Variants in LAMA2 observed in about 807,000 individuals in gnomAD.
The protein encoded by LAMA2 is laminin subunit alpha-2.
LAMA2 carries 269 observed loss-of-function variants against 364.8 expected under a neutral mutation model. The ratio of observed to expected loss-of-function variants is 0.74; its 90% CI spans 0.67 to 0.82. The LOEUF is 0.82. LAMA2 is among the 40% of genes least tolerant of loss of function. The probability of loss-of-function intolerance (pLI) is 0.00; values close to 1 mark genes in which losing one functional copy is unlikely to be tolerated. For synonymous variants in LAMA2, 1,379 were observed against 1,370.6 expected (o/e 1.01, Z -0.14); for missense variants, 3,807 against 3,873.2 (o/e 0.98, Z 0.45).
chr6:129,023,872 C>T (rs943768563), intron 1 of LAMA2, among the ~76,000 whole-genome samples: 10 of 152,112 alleles, frequency 6.6e-5, no homozygotes, highest in African/African-American at 2.4e-4. Context: ...TTTGTTAGCT[C>T]ATTAGGTACC....
Position 129,516,458 on chromosome 6 carries a change from A to T in LAMA2, c.*111A>T. On this transcript the variant is annotated 3_prime_UTR_variant, in exon 65 of 65. Coordinates refer to ENST00000421865, the MANE Select transcript of LAMA2 (RefSeq NM_000426.4). ...ATTAAACTAATTTGTGCATGTACAT[A>T]GAATTCTTTCTGTATTCAGATGGTG... The T allele has an allele frequency of 8.9e-7, 1 of 1,124,724 alleles. No individual in the cohort carries two copies. The highest frequency in any genetic ancestry group is 1.3e-6 in the Non-Finnish European group (1 of 761,432). The allele number at this position is 1,124,724 out of a possible 1,614,324, so 69.7% of individuals were successfully genotyped here. A position where few individuals can be genotyped will look rare whatever the true frequency, so the allele number is the denominator to read the frequency against.
chr6:129,482,911 C>CA (rs887030096), intron 55 of LAMA2, among the ~76,000 whole-genome samples: 3 of 151,440 alleles, frequency 2.0e-5, no homozygotes, highest in African/African-American at 7.3e-5. Context: ...ACTAAAAATA[C>CA]AAAAAATTAG....
chr6:129,260,902 G>C, intron 15 of LAMA2, 80 bp downstream of exon 15: 2 of 846,596 alleles, frequency 2.4e-6, no homozygotes, highest in East Asian at 4.9e-5. Context: ...AATAAGAGCT[G>C]TTTTTTTTCT....
chr6:129,275,854 C>A (rs891636640), intron 17 of LAMA2, among the ~76,000 whole-genome samples: 2 of 151,676 alleles, frequency 1.3e-5, no homozygotes, highest in Non-Finnish European at 2.9e-5. Context: ...TTCCATTTTG[C>A]AGAATGGGAA....
intron 49 of LAMA2, among the ~76,000 whole-genome samples, chr6:129,462,895 A>G (rs935502797): frequency 2.0e-5 from 3 of 152,046 alleles, no homozygotes; most frequent in East Asian, 1.9e-4. Context: ...AGAAAATGTC[A>G]TAAAGACCTT....
intron 11 of LAMA2, among the ~76,000 whole-genome samples, chr6:129,190,725 T>C (rs1781474838): frequency 6.6e-6 from 1 of 152,148 alleles, no homozygotes; most frequent in African/African-American, 2.4e-5. Flanking sequence ...AAAAACTCTG[T>C]ATCATCTGTA....
At chr6:129,448,333 GA>G (rs1782497414) in intron 45 of LAMA2, among the ~76,000 whole-genome samples, 1 of 152,074 alleles carries the variant, frequency 6.6e-6, no homozygotes, top group South Asian at 2.1e-4. Context: ...GTAACGTTAA[GA>G]AAAAGTAATC....
chr6:129,411,906 AC>A (rs1470732225), intron 40 of LAMA2, among the ~76,000 whole-genome samples: 1 of 152,210 alleles, frequency 6.6e-6, no homozygotes, highest in East Asian at 1.9e-4. Flanking sequence ...GGAATTAAAA[AC>A]AAAGTGGAAC....
intron 52 of LAMA2, 94 bp downstream of exon 52, chr6:129,473,446 T>C: frequency 1.6e-6 from 2 of 1,229,024 alleles, no homozygotes; most frequent in East Asian, 4.7e-5. Context: ...AATAAGAATG[T>C]CATATAACCC....
At chr6:129,506,404 G>C (rs1264042395) in intron 61 of LAMA2, among the ~76,000 whole-genome samples, 1 of 151,958 alleles carries the variant, frequency 6.6e-6, no homozygotes, top group African/African-American at 2.4e-5. Context: ...GATTGGAAGA[G>C]TAGCAGGCAT....
intron 8 of LAMA2, among the ~76,000 whole-genome samples, chr6:129,163,590 A>C (rs775546634): frequency 6.6e-6 from 1 of 152,190 alleles, no homozygotes; most frequent in African/African-American, 2.4e-5. Flanking sequence ...TCAAGCTTGC[A>C]CCAGTGCACT....
chr6:129,242,694 G>A (rs903840732), intron 12 of LAMA2, among the ~76,000 whole-genome samples: 1 of 152,076 alleles, frequency 6.6e-6, no homozygotes, highest in Admixed American at 6.6e-5. Context: ...CCAAACATAA[G>A]TTAGTAAATG....
intron 27 of LAMA2, among the ~76,000 whole-genome samples, chr6:129,320,069 G>C (rs1469810350): frequency 6.6e-6 from 1 of 151,966 alleles, no homozygotes; most frequent in Admixed American, 6.6e-5. Context: ...GTAGGCGGAG[G>C]TTGTAGTGAG....
At chr6:129,132,790 C>G (rs1406874540) in intron 4 of LAMA2, among the ~76,000 whole-genome samples, 1 of 152,130 alleles carries the variant, frequency 6.6e-6, no homozygotes, top group Non-Finnish European at 1.5e-5. Flanking sequence ...TTGTTCTAAT[C>G]ATTTTACATA....
intron 7 of LAMA2, among the ~76,000 whole-genome samples, chr6:129,152,540 C>A (rs1778870100): frequency 6.6e-6 from 1 of 152,194 alleles, no homozygotes; most frequent in African/African-American, 2.4e-5. Flanking sequence ...AGTGCTACCA[C>A]TACTGCTACT....
At chr6:128,980,666 C>A (rs1782807548) in intron 1 of LAMA2, among the ~76,000 whole-genome samples, 1 of 152,100 alleles carries the variant, frequency 6.6e-6, no homozygotes, top group Admixed American at 6.5e-5. Flanking sequence ...ATGAGACTTT[C>A]ATATAAAACT....
At chr6:129,505,148 A>C (rs184692357) in intron 60 of LAMA2, 52 bp from the exon 61 acceptor site, 106 of 1,482,512 alleles carry the variant, frequency 7.2e-5, no homozygotes, top group East Asian at 2.3e-4. Flanking sequence ...TATACTCTGC[A>C]TATGTGAAAT....
chr6:129,146,386 A>G (rs1398243735), intron 5 of LAMA2, among the ~76,000 whole-genome samples: 2 of 152,022 alleles, frequency 1.3e-5, no homozygotes, highest in Admixed American at 1.3e-4. Context: ...AGGTAATTGT[A>G]TGGACTATAT....
chr6:129,112,844 A>G (rs1166863580), intron 4 of LAMA2, among the ~76,000 whole-genome samples: 2 of 151,984 alleles, frequency 1.3e-5, no homozygotes, highest in Non-Finnish European at 2.9e-5. Flanking sequence ...TTGACTCACC[A>G]TAATTATTTC....
Sources: allele counts gnomAD v4.1 joint callset (sites outside exome capture counted in the v4.1 genomes callset), GRCh38; gene constraint gnomAD v4.1.1; transcripts MANE v1.5; gene names NCBI Gene and HGNC (gene_info 2026-07-23, HGNC 2026-07-21).